WDPCP: variants seen among roughly 807,000 people sequenced by gnomAD.
WDPCP encodes the protein WD repeat containing planar cell polarity effector, also known as WD repeat-containing and planar cell polarity effector protein fritz homolog.
WDPCP carries 71 observed loss-of-function variants against 93.1 expected under a neutral mutation model. The ratio of observed to expected loss-of-function variants is 0.76; its 90% CI spans 0.63 to 0.93. WDPCP has a LOEUF of 0.93. Ranked by LOEUF, WDPCP falls within the 40% of genes least tolerant of loss-of-function variation. The probability of loss-of-function intolerance (pLI) is 0.00; values close to 1 mark genes in which losing one functional copy is unlikely to be tolerated. For missense variants in WDPCP, 844 were observed against 887.4 expected (o/e 0.95, Z 0.62); for synonymous variants, 315 against 315.0 (o/e 1.00, Z 0.00).
intron 17 of WDPCP, among the ~76,000 whole-genome samples, chr2:63,152,523 C>T (rs1212767430): frequency 2.6e-5 from 4 of 152,140 alleles, no homozygotes; most frequent in East Asian, 1.9e-4. Context: ...CCACCTGCCT[C>T]GGCCTGCCAA....
intron 2 of WDPCP, among the ~76,000 whole-genome samples, chr2:63,675,279 C>T (rs1180176995): frequency 1.3e-5 from 2 of 152,180 alleles, no homozygotes; most frequent in African/African-American, 4.8e-5. Context: ...CTTGGCTGAA[C>T]TCACTTAACT....
At chr2:63,671,731 C>T (rs1710350627) in intron 2 of WDPCP, among the ~76,000 whole-genome samples, 1 of 152,032 alleles carries the variant, frequency 6.6e-6, no homozygotes, top group Non-Finnish European at 1.5e-5. Flanking sequence ...CATATTTAAT[C>T]CCAAATTGGT....
chr2:63,337,402 G>T (rs778188656), intron 12 of WDPCP, among the ~76,000 whole-genome samples: 24 of 152,076 alleles, frequency 1.6e-4, no homozygotes, highest in Admixed American at 8.5e-4. Context: ...GGGCACTTAG[G>T]TTGCTTCCAT....
chr2:63,595,897 C>T (rs1050796726), intron 3 of WDPCP, among the ~76,000 whole-genome samples: 1 of 152,154 alleles, frequency 6.6e-6, no homozygotes, highest in Non-Finnish European at 1.5e-5. Context: ...TAGTAGCATC[C>T]TGTAATGGAA....
intron 6 of WDPCP, among the ~76,000 whole-genome samples, chr2:63,478,231 C>T (rs1223317190): frequency 2.0e-5 from 3 of 152,000 alleles, no homozygotes; most frequent in African/African-American, 7.2e-5. Flanking sequence ...GACAGCAACA[C>T]AGTATTAGCA....
intron 14 of WDPCP, among the ~76,000 whole-genome samples, chr2:63,250,857 T>C (rs1229178724): frequency 1.3e-5 from 2 of 152,194 alleles, no homozygotes; most frequent in Non-Finnish European, 2.9e-5. Flanking sequence ...AGGAGTTCAA[T>C]CTGGGAACTA....
intron 14 of WDPCP, among the ~76,000 whole-genome samples, chr2:63,220,027 G>T (rs937683830): frequency 6.6e-6 from 1 of 151,770 alleles, no homozygotes; most frequent in Non-Finnish European, 1.5e-5. Context: ...AAATAAAAAG[G>T]TATAGTAAAA....
At chr2:63,357,863 C>T (rs1690138089) in intron 12 of WDPCP, among the ~76,000 whole-genome samples, 1 of 152,096 alleles carries the variant, frequency 6.6e-6, no homozygotes, top group Non-Finnish European at 1.5e-5. Flanking sequence ...ACCTAAATGC[C>T]AATCAGTTAC....
chr2:63,679,011 A>T (rs72806089), intron 2 of WDPCP, among the ~76,000 whole-genome samples: 29,223 of 152,152 alleles, frequency 0.19, 3,680 homozygotes, highest in Non-Finnish European at 0.25. Flanking sequence ...ATTTTTGAAG[A>T]CCTAGCCTGG....
intron 1 of WDPCP, among the ~76,000 whole-genome samples, chr2:63,525,125 G>A (rs183823298): frequency 2.2e-4 from 34 of 152,206 alleles, no homozygotes; most frequent in Non-Finnish European, 4.0e-4. Context: ...GGTCATTATC[G>A]TAAACAAACT....
At chr2:63,181,244 G>C (rs762077178) in intron 14 of WDPCP, among the ~76,000 whole-genome samples, 2 of 151,966 alleles carry the variant, frequency 1.3e-5, no homozygotes, top group East Asian at 3.9e-4. Context: ...ATTTGCTTTC[G>C]AGGCCTTAGT....
chr2:63,766,048 C>T (rs561682814), intron 2 of WDPCP, among the ~76,000 whole-genome samples: 2 of 152,336 alleles, frequency 1.3e-5, no homozygotes, highest in Non-Finnish European at 2.9e-5. Flanking sequence ...AGAGCACTAG[C>T]ACCTAGCACA....
rs186362873 is a variant in WDPCP, at chr2:63,549,659, G to A, written c.75+38538C>T. Among the ~76,000 whole-genome samples the A allele has an allele frequency of 8.2e-4, 124 of 152,096 alleles. 1 individual carries two copies. The highest frequency in any genetic ancestry group is 8.0e-3 in the Admixed American group (122 of 15,270). On this transcript the variant is annotated intron_variant, in intron 1 of 17. Transcript: ENST00000272321. ...CAGAAGCCTGTAATCCCAGCTACTCGGGAGGCTGAGGCAGGAGAATCACTT... is the reference window on the plus strand; with the variant it reads ...CAGAAGCCTGTAATCCCAGCTACTCAGGAGGCTGAGGCAGGAGAATCACTT...
chr2:63,350,260 G>T (rs1689491887), intron 12 of WDPCP, among the ~76,000 whole-genome samples: 1 of 152,078 alleles, frequency 6.6e-6, no homozygotes, highest in Non-Finnish European at 1.5e-5. Flanking sequence ...TGGACACATG[G>T]CAGGGAACAT....
intron 2 of WDPCP, among the ~76,000 whole-genome samples, chr2:63,663,598 C>A (rs940607933): frequency 1.3e-5 from 2 of 152,086 alleles, no homozygotes; most frequent in African/African-American, 4.8e-5. Context: ...GGAGAAAGGA[C>A]ATGGAGGATT....
At chr2:63,729,551 A>C (rs1167276608) in intron 2 of WDPCP, among the ~76,000 whole-genome samples, 2 of 152,166 alleles carry the variant, frequency 1.3e-5, no homozygotes, top group Non-Finnish European at 2.9e-5. Flanking sequence ...CCCCCAATTC[A>C]AAGCGCTTCC....
At chr2:63,307,139 T>A (rs1414583204) in intron 13 of WDPCP, among the ~76,000 whole-genome samples, 1 of 152,168 alleles carries the variant, frequency 6.6e-6, no homozygotes, top group Non-Finnish European at 1.5e-5. Context: ...CCATTCATAA[T>A]TGCTACAAAG....
chr2:63,721,990 C>G (rs1189099322), intron 2 of WDPCP, among the ~76,000 whole-genome samples: 2 of 152,018 alleles, frequency 1.3e-5, no homozygotes, highest in African/African-American at 2.4e-5. Context: ...CTCGGCCTCC[C>G]GAGGTGCCGG....
At chr2:63,311,070 C>T (rs1686149328) in intron 13 of WDPCP, among the ~76,000 whole-genome samples, 1 of 152,158 alleles carries the variant, frequency 6.6e-6, no homozygotes, top group Non-Finnish European at 1.5e-5. Flanking sequence ...CCAGCCATAT[C>T]AACTTTCTTA....
Sources: gnomAD v4.1 joint callset for allele counts (sites outside exome capture counted in the v4.1 genomes callset) on GRCh38, gnomAD v4.1.1 for gene constraint, MANE v1.5 for transcripts, NCBI Gene and HGNC (gene_info 2026-07-23, HGNC 2026-07-21) for gene names.